GOLGA4: variants seen among roughly 807,000 people sequenced by gnomAD.
GOLGA4 encodes the protein golgin A4.
In GOLGA4, 169 loss-of-function variants were observed where a neutral mutation model predicts 265.9. That is an observed-to-expected ratio of 0.64 (90% CI 0.56 to 0.72). GOLGA4 has a LOEUF of 0.72. Among genes scored for constraint, GOLGA4 ranks in the 30% least tolerant of loss-of-function variants. The pLI is 0.00. For synonymous variants in GOLGA4, 923 were observed against 855.8 expected, an observed-to-expected ratio of 1.08 and a Z score of -1.37; for missense variants, 2,482 against 2,483.4, an observed-to-expected ratio of 1.00 and a Z score of 0.01.
intron 22 of GOLGA4, among the ~76,000 whole-genome samples, chr3:37,359,035 G>A (rs1394042972): frequency 1.3e-5 from 2 of 152,144 alleles, no homozygotes; most frequent in Admixed American, 6.5e-5. Flanking sequence ...AAAAAGAATT[G>A]CCTTCTAAAC....
At position 37,319,112 on chromosome 3, in the gene GOLGA4, A is replaced by G; in HGVS notation, c.1463A>G (p.Glu488Gly). ...IAKLQKLHEK[E>G]LARKEQELTK... ...AAGCTACAGAAGCTTCATGAAAAGG[A>G]GCTGGCCAGAAAAGAGCAGGAACTG... The change falls in exon 12 of 24, where the codon GAG (glutamate) becomes GGG (glycine). Residue 488 changes from glutamate to glycine, a missense_variant. Glu to Gly is a moderately conservative substitution (Grantham distance 98). Transcript: ENST00000361924. 6.2e-7 allele frequency: 1 copy of G among 1,610,622 alleles called. No individual in the cohort carries two copies.
At chr3:37,323,356 C>T (rs913747033) in intron 13 of GOLGA4, among the ~76,000 whole-genome samples, 11 of 151,876 alleles carry the variant, frequency 7.2e-5, no homozygotes, top group African/African-American at 2.7e-4. Flanking sequence ...CTCAAACTCC[C>T]GGCTTCAAGT....
At chr3:37,299,155 C>A in intron 8 of GOLGA4, 133 bp from the exon 9 acceptor site, 2 of 917,868 alleles carry the variant, frequency 2.2e-6, no homozygotes, top group East Asian at 2.6e-5. Flanking sequence ...TACATAACAC[C>A]AAACCTTGAG....
chr3:37,340,435 T>G (rs76308186), intron 20 of GOLGA4, among the ~76,000 whole-genome samples: 5,861 of 152,262 alleles, frequency 0.038, 145 homozygotes, highest in African/African-American at 0.056. Context: ...ACTACCTTTT[T>G]TGTGTGTGTG....
At chr3:37,297,450 G>A (rs1214193722) in intron 7 of GOLGA4, among the ~76,000 whole-genome samples, 4 of 152,188 alleles carry the variant, frequency 2.6e-5, no homozygotes, top group South Asian at 2.1e-4. Flanking sequence ...AAAGAATACC[G>A]TACTTTATTA....
At chr3:37,344,250 C>G (rs915079068) in intron 20 of GOLGA4, among the ~76,000 whole-genome samples, 2 of 152,134 alleles carry the variant, frequency 1.3e-5, no homozygotes, top group Non-Finnish European at 2.9e-5. Flanking sequence ...TACAGGCGCA[C>G]ACCATCACAC....
intron 13 of GOLGA4, among the ~76,000 whole-genome samples, chr3:37,322,189 G>C (rs1032977978): frequency 6.6e-6 from 1 of 152,056 alleles, no homozygotes; most frequent in African/African-American, 2.4e-5. Context: ...TAGGAAGTGG[G>C]CTCATTTTGT....
At chr3:37,272,277 ATGG>A (rs1257739639) in intron 2 of GOLGA4, among the ~76,000 whole-genome samples, 24 of 152,116 alleles carry the variant, frequency 1.6e-4, no homozygotes, top group Non-Finnish European at 2.6e-4. Flanking sequence ...ATGGTTGGGC[ATGG>A]TGGCTCACAC....
chr3:37,327,911 A>T, intron 14 of GOLGA4, 86 bp downstream of exon 14: 1 of 1,078,494 alleles, frequency 9.3e-7, no homozygotes, highest in African/African-American at 1.6e-5. Flanking sequence ...GTTATTTTAA[A>T]TTATTTGGAT....
intron 1 of GOLGA4, chr3:37,249,891 T>C (rs1166106254): frequency 6.6e-6 from 1 of 152,252 alleles, no homozygotes; most frequent in Non-Finnish European, 1.5e-5. Context: ...ATTGCATCTG[T>C]CACTTCACAG....
Position 37,355,177 on chromosome 3 carries a change from C to T in GOLGA4, c.6653C>T (p.Ala2218Val). 6.4e-7 allele frequency: 1 copy of T among 1,571,484 alleles called. No homozygotes were observed. Among genetic ancestry groups the T allele is most frequent in the Non-Finnish European group, 8.8e-7 (1 of 1,141,412 alleles). Residue 2218 changes from alanine to valine, a missense_variant, in exon 22 of 24, where the codon GCT becomes GTT. Physicochemically the swap from Ala to Val is moderately conservative, Grantham distance 64. Coordinates refer to ENST00000361924, the MANE Select transcript of GOLGA4 (RefSeq NM_002078.5). Reference protein sequence around the residue: ...QTQKILEREDARLMFTSPRSG... With the variant: ...QTQKILEREDVRLMFTSPRSG... Reference sequence around the variant, plus strand: ...CAGAAAATTTTGGAAAGAGAAGATGCTCGGCTGATGGTAAGTTCTGGAAGT... The same window carrying T: ...CAGAAAATTTTGGAAAGAGAAGATGTTCGGCTGATGGTAAGTTCTGGAAGT...
At chr3:37,320,523 G>A (rs1433328063) in intron 12 of GOLGA4, 1 of 152,098 alleles carries the variant, frequency 6.6e-6, no homozygotes, top group Non-Finnish European at 1.5e-5. Flanking sequence ...CAGTATGATT[G>A]GGTGTCTGTG....
chr3:37,250,254 A>G (rs1300505654), intron 1 of GOLGA4: 1 of 152,182 alleles, frequency 6.6e-6, no homozygotes, highest in Admixed American at 6.5e-5. Context: ...AATTTTTTGT[A>G]TTTCAATAAA....
intron 22 of GOLGA4, among the ~76,000 whole-genome samples, chr3:37,359,871 A>T (rs1192245491): frequency 1.3e-5 from 2 of 151,896 alleles, no homozygotes; most frequent in Admixed American, 6.6e-5. Flanking sequence ...TACAAATAAA[A>T]CTGACACATT....
intron 10 of GOLGA4, among the ~76,000 whole-genome samples, chr3:37,303,050 C>T (rs550133656): frequency 6.6e-6 from 1 of 152,356 alleles, no homozygotes; most frequent in Admixed American, 6.5e-5. Flanking sequence ...GCACACATTT[C>T]AGATGCTACA....
Position 37,325,292 on chromosome 3 carries a change from C to G in GOLGA4, c.3406C>G (p.Leu1136Val), listed in dbSNP as rs1335428790. Residue 1136 changes from leucine (L) to valine (V), a missense_variant, in exon 14 of 24, where the codon CTT (leucine) becomes GTT (valine). Leu to Val is a conservative substitution (Grantham distance 32, BLOSUM62 1). Around this residue, in one of 3 missense-constraint regions of GOLGA4, gnomAD observed 1,536 missense variants for 1,483.7 expected, o/e 1.04. Coordinates refer to ENST00000361924, the MANE Select transcript of GOLGA4 (RefSeq NM_002078.5). ...AQDETKLKAH[L>V]EKLEVDLNKS... ...AGATGAAACTAAACTGAAAGCTCAT[C>G]TTGAAAAGCTAGAGGTTGACTTGAA... 1 of 1,613,586 alleles carries G rather than the reference C, an allele frequency of 6.2e-7. No individual in the cohort carries two copies. Among genetic ancestry groups the G allele is most frequent in the Non-Finnish European group, 8.5e-7 (1 of 1,179,742 alleles).
At chr3:37,256,964 CAATT>C (rs1291354424) in intron 2 of GOLGA4, among the ~76,000 whole-genome samples, 7 of 151,676 alleles carry the variant, frequency 4.6e-5, no homozygotes, top group Non-Finnish European at 8.8e-5. Flanking sequence ...TTAAAGCAAA[CAATT>C]AAGTAGCGTT....
At chr3:37,336,686 G>A (rs1474979513) in intron 17 of GOLGA4, among the ~76,000 whole-genome samples, 3 of 151,974 alleles carry the variant, frequency 2.0e-5, no homozygotes, top group Non-Finnish European at 2.9e-5. Context: ...CAGGAGAATC[G>A]CTTGAACCCG....
intron 10 of GOLGA4, among the ~76,000 whole-genome samples, chr3:37,314,566 G>A (rs1431211768): frequency 1.3e-5 from 2 of 151,634 alleles, no homozygotes; most frequent in Non-Finnish European, 2.9e-5. Flanking sequence ...GCTTGAACCC[G>A]CGAGGCAGAG....
Sources: allele counts gnomAD v4.1 joint callset (sites outside exome capture counted in the v4.1 genomes callset), GRCh38; gene constraint gnomAD v4.1.1; regional missense constraint gnomAD v4.1.1; transcripts MANE v1.5; gene names NCBI Gene and HGNC (gene_info 2026-07-23, HGNC 2026-07-21).